The following MCPH1 variants were observed in gnomAD, a reference collection of about 807,000 sequenced individuals.
MCPH1 encodes microcephalin.
A neutral mutation model predicts 84.5 loss-of-function variants in MCPH1; 104 were observed. That is an observed-to-expected ratio of 1.23 (90% CI 1.05 to 1.45). The LOEUF is 1.45. Among genes scored for constraint, MCPH1 ranks in the 40% most tolerant of loss-of-function variants. The probability of loss-of-function intolerance (pLI) is 0.00; values close to 1 mark genes in which losing one functional copy is unlikely to be tolerated. For missense variants in MCPH1, 1,498 were observed against 1,005.7 expected (o/e 1.49, Z -6.62); for synonymous variants, 514 against 366.8 (o/e 1.40, Z -4.58).
At chr8:6,566,410 C>G (rs1826152566) in intron 12 of MCPH1, among the ~76,000 whole-genome samples, 1 of 150,886 alleles carries the variant, frequency 6.6e-6, no homozygotes, top group Admixed American at 6.6e-5. Flanking sequence ...CAAGGCCATC[C>G]ACAGTCCACA....
At chr8:6,474,782 C>G (rs534614562) in intron 9 of MCPH1, among the ~76,000 whole-genome samples, 2 of 152,148 alleles carry the variant, frequency 1.3e-5, no homozygotes, top group African/African-American at 4.8e-5. Context: ...GGAGGATTGC[C>G]GAGGGCAGGT....
intron 13 of MCPH1, among the ~76,000 whole-genome samples, chr8:6,630,956 C>T (rs146568306): frequency 6.6e-6 from 1 of 152,100 alleles, no homozygotes; most frequent in African/African-American, 2.4e-5. Context: ...AAACTCTAAC[C>T]TCTCATCCAA....
At chr8:6,629,128 T>A (rs959284931) in intron 13 of MCPH1, among the ~76,000 whole-genome samples, 1 of 152,202 alleles carries the variant, frequency 6.6e-6, no homozygotes, top group Non-Finnish European at 1.5e-5. Context: ...CATGAGGTCA[T>A]AAGGGCAAGG....
rs571506154 is a variant in MCPH1 at position 6,603,115 on chromosome 8, AT to A, written c.2215-18333del. 7.2e-3 allele frequency among the ~76,000 whole-genome samples: 1,088 copies of A among 152,074 alleles called. 17 individuals are homozygous for A. Among genetic ancestry groups the A allele is most frequent in the African/African-American group, 0.025 (1,036 of 41,464 alleles). On this transcript the variant is annotated intron_variant, in intron 12 of 13. Coordinates refer to ENST00000344683, the MANE Select transcript of MCPH1 (RefSeq NM_024596.5). ...TATTTTCTCAGTTTCCCCAAAAATGATTTTTTAAGAAAAGTCAAATCAGAAA... is the reference window on the plus strand; with the variant it reads ...TATTTTCTCAGTTTCCCCAAAAATGATTTTTAAGAAAAGTCAAATCAGAAA...
intron 12 of MCPH1, among the ~76,000 whole-genome samples, chr8:6,561,418 C>T (rs958425299): frequency 2.0e-5 from 3 of 152,182 alleles, no homozygotes; most frequent in Admixed American, 2.0e-4. Context: ...ATAACTTAGT[C>T]GTTTCCTCTC....
chr8:6,625,025 C>T (rs749437184), intron 13 of MCPH1: 3 of 478,054 alleles, frequency 6.3e-6, no homozygotes, highest in Non-Finnish European at 8.2e-6. Flanking sequence ...ACAGGCCCCG[C>T]CACCATGCCC....
intron 4 of MCPH1, 124 bp from the exon 5 acceptor site, chr8:6,435,924 C>A: frequency 1.7e-6 from 2 of 1,159,308 alleles, no homozygotes; most frequent in Non-Finnish European, 1.2e-6. Flanking sequence ...GTGCAAGAAA[C>A]ACCTCTTTTA....
chr8:6,490,356 ATCATTTAGATG>A (rs1173925729), intron 11 of MCPH1, among the ~76,000 whole-genome samples: 1 of 152,226 alleles, frequency 6.6e-6, no homozygotes, highest in African/African-American at 2.4e-5. Flanking sequence ...TCAGCTGTCC[ATCATTTAGATG>A]TCATTTAGAT....
chr8:6,607,797 G>C lies in MCPH1; in HGVS notation c.2215-13657G>C, dbSNP rs114309154. ...ATGCTGTCCACCTTCTGCCGTGATT[G>C]TGAGGCCTCCCCAGGCAGGTGGAAC... On this transcript the variant is annotated intron_variant, in intron 12 of 13. Transcript: ENST00000344683. Among the ~76,000 whole-genome samples the C allele has an allele frequency of 6.2e-3, 946 of 152,306 alleles. 10 individuals are homozygous for C. The highest frequency in any genetic ancestry group is 0.021 in the African/African-American group (893 of 41,564).
chr8:6,475,752 G>C (rs1473437964), intron 9 of MCPH1, among the ~76,000 whole-genome samples: 2 of 152,170 alleles, frequency 1.3e-5, no homozygotes, highest in Admixed American at 6.5e-5. Flanking sequence ...GTTTCCTGCA[G>C]GGAGTTTTAG....
chr8:6,427,430 G>T (rs1047753931), intron 3 of MCPH1, among the ~76,000 whole-genome samples: 1 of 152,170 alleles, frequency 6.6e-6, no homozygotes, highest in Non-Finnish European at 1.5e-5. Context: ...GGAGTGAAGT[G>T]GCACATTTAT....
intron 11 of MCPH1, among the ~76,000 whole-genome samples, chr8:6,498,163 A>G (rs1455536307): frequency 1.3e-5 from 2 of 152,238 alleles, no homozygotes; most frequent in Non-Finnish European, 2.9e-5. Context: ...TCATTATGTA[A>G]TGTGTCACCT....
intron 12 of MCPH1, among the ~76,000 whole-genome samples, chr8:6,540,440 C>G (rs1821334817): frequency 1.3e-5 from 2 of 152,184 alleles, no homozygotes; most frequent in Non-Finnish European, 2.9e-5. Context: ...AAAGGTGTCA[C>G]ATTTTACACG....
At position 6,414,801 on chromosome 8, in the gene MCPH1, A is replaced by G. The variant is rs538316396; in HGVS notation, c.151A>G (p.Ile51Val). 2.6e-5 allele frequency: 42 copies of G among 1,613,902 alleles called. No homozygotes were observed. Among genetic ancestry groups the G allele is most frequent in the Non-Finnish European group, 3.3e-5 (39 of 1,179,884 alleles). Reference protein sequence around the residue: ...KTFNKQVTHVIFKDGYQSTWD... With the variant: ...KTFNKQVTHVVFKDGYQSTWD... ...TTTTAACAAACAAGTAACTCACGTT[A>G]TCTTCAAAGATGGCTACCAGAGCAC... Residue 51 changes from isoleucine (I) to valine (V), a missense_variant, in exon 3 of 14, where the codon ATC (isoleucine) becomes GTC (valine). Physicochemically the swap from Ile to Val is conservative, Grantham distance 29. Coordinates refer to ENST00000344683, the MANE Select transcript of MCPH1 (RefSeq NM_024596.5).
chr8:6,455,244 G>C lies in MCPH1; in HGVS notation c.1927G>C (p.Gly643Arg), dbSNP rs964351268. 5.6e-6 allele frequency: 9 copies of C among 1,608,028 alleles called. No individual in the cohort carries two copies. The highest frequency in any genetic ancestry group is 1.7e-5 in the Admixed American group (1 of 59,986). Residue 643 changes from glycine to arginine, a missense_variant, in exon 9 of 14, where the codon GGC becomes CGC. Transcript: ENST00000344683. Reference sequence around the variant, plus strand: ...TGAGGAATTGAAGAAAAGTGGGAGAGGCAAAAAGGTCAGTGTGTAAAAATA... The same window carrying C: ...TGAGGAATTGAAGAAAAGTGGGAGACGCAAAAAGGTCAGTGTGTAAAAATA... ...PHEELKKSGRGKKPTRTLVMT... is the reference protein window; with the variant it reads ...PHEELKKSGRRKKPTRTLVMT...
chr8:6,556,859 G>T (rs1482485482), intron 12 of MCPH1, among the ~76,000 whole-genome samples: 1 of 152,084 alleles, frequency 6.6e-6, no homozygotes, highest in Non-Finnish European at 1.5e-5. Context: ...AAAGCTCTAG[G>T]ATTACAGGTG....
At chr8:6,631,035 AAAC>A (rs1321791969) in intron 13 of MCPH1, among the ~76,000 whole-genome samples, 1 of 152,184 alleles carries the variant, frequency 6.6e-6, no homozygotes, top group African/African-American at 2.4e-5. Context: ...AAGGTGCTCT[AAAC>A]AACCACCAAA....
intron 12 of MCPH1, chr8:6,502,174 G>A (rs570518261): frequency 6.6e-6 from 1 of 152,172 alleles, no homozygotes; most frequent in South Asian, 2.1e-4. Flanking sequence ...GTCATAGAAT[G>A]AAATGTATAA....
chr8:6,562,552 C>CTTTTTTTTGTTTTTTTTTTT (rs1825704936), intron 12 of MCPH1: 1 of 71,748 alleles, frequency 1.4e-5, no homozygotes, highest in Non-Finnish European at 2.6e-5. Context: ...CATCCTCCTT[C>CTTTTTTTTGTTTTTTTTTTT]TTTTTTTTTT....
Sources: gnomAD v4.1 joint callset for allele counts (sites outside exome capture counted in the v4.1 genomes callset) on GRCh38, gnomAD v4.1.1 for gene constraint, MANE v1.5 for transcripts, NCBI Gene and HGNC (gene_info 2026-07-23, HGNC 2026-07-21) for gene names.